ASXL3: variants seen among roughly 807,000 people sequenced by gnomAD.
ASXL3 encodes the protein ASXL transcriptional regulator 3.
Under a neutral mutation model 170.6 loss-of-function variants are expected in ASXL3, and 34 were observed. The ratio of observed to expected loss-of-function variants is 0.20; its 90% CI spans 0.15 to 0.27. ASXL3 has a LOEUF of 0.27. Ranked by LOEUF, ASXL3 falls within the 10% of genes least tolerant of loss-of-function variation. The pLI is 1.00. For missense variants in ASXL3, 2,592 were observed against 2,695.3 expected, an observed-to-expected ratio of 0.96 and a Z score of 0.85; for synonymous variants, 1,002 against 989.1, an observed-to-expected ratio of 1.01 and a Z score of -0.24.
chr18:33,696,953 C>T (rs1015091689), intron 8 of ASXL3, among the ~76,000 whole-genome samples: 4 of 152,130 alleles, frequency 2.6e-5, no homozygotes, highest in African/African-American at 4.8e-5. Flanking sequence ...TAAACATAAA[C>T]ATGTACTTTT....
At chr18:33,587,749 G>T (rs79466196) in intron 1 of ASXL3, among the ~76,000 whole-genome samples, 1 of 151,422 alleles carries the variant, frequency 6.6e-6, no homozygotes, top group Non-Finnish European at 1.5e-5. Context: ...AGCAGTATCC[G>T]CTGAATTTGT....
intron 7 of ASXL3, among the ~76,000 whole-genome samples, chr18:33,676,610 G>T (rs1481187830): frequency 1.3e-5 from 2 of 152,074 alleles, no homozygotes; most frequent in Admixed American, 6.5e-5. Flanking sequence ...TGTCTACAAG[G>T]ACTCCTTTAT....
intron 8 of ASXL3, chr18:33,690,278 C>A (rs192076398): frequency 6.6e-6 from 1 of 152,234 alleles, no homozygotes; most frequent in African/African-American, 2.4e-5. Context: ...AGCCATGGTT[C>A]CCATTAGTGG....
chr18:33,727,797 T>A (rs1040636730), intron 8 of ASXL3, among the ~76,000 whole-genome samples: 1 of 152,180 alleles, frequency 6.6e-6, no homozygotes, highest in African/African-American at 2.4e-5. Context: ...CCCATAAAAT[T>A]AATCGTGTAT....
chr18:33,655,577 A>G (rs2066070743), intron 4 of ASXL3, among the ~76,000 whole-genome samples: 1 of 152,042 alleles, frequency 6.6e-6, no homozygotes, highest in African/African-American at 2.4e-5. Context: ...ACCTATACCT[A>G]TCTTGAAACA....
chr18:33,640,410 GT>G (rs1346502550), intron 2 of ASXL3, among the ~76,000 whole-genome samples: 1 of 151,892 alleles, frequency 6.6e-6, no homozygotes, highest in Non-Finnish European at 1.5e-5. Context: ...TTCTAGGGTG[GT>G]TTGTAATCAT....
intron 3 of ASXL3, among the ~76,000 whole-genome samples, chr18:33,645,839 T>C (rs2145200940): frequency 6.6e-6 from 1 of 152,148 alleles, no homozygotes; most frequent in South Asian, 2.1e-4. Flanking sequence ...ACTGTGTGTG[T>C]TTCAGAAAAT....
At chr18:33,625,705 G>A (rs912757862) in intron 2 of ASXL3, 1 of 152,076 alleles carries the variant, frequency 6.6e-6, no homozygotes, top group Admixed American at 6.6e-5. Flanking sequence ...TATATACCAA[G>A]TAGGTAGGGG....
Position 33,747,865 on chromosome 18 carries a change from G to A in ASXL3, c.*1270G>A, listed in dbSNP as rs2067821629. The A allele has an allele frequency of 6.6e-6, 1 of 152,164 alleles. No homozygotes were observed. The highest frequency in any genetic ancestry group is 1.5e-5 in the Non-Finnish European group (1 of 68,032). 9.4% of individuals were successfully genotyped at this position (152,164 alleles called of 1,614,324 possible). A position where few individuals can be genotyped will look rare whatever the true frequency, so the allele number is the denominator to read the frequency against. On this transcript the variant is annotated 3_prime_UTR_variant, in exon 12 of 12. Coordinates refer to ENST00000269197, the MANE Select transcript of ASXL3 (RefSeq NM_030632.3). The stretch of plus-strand genomic sequence containing the variant: ...CTGCATCTTAACAGTTATCTTCAGT[G>A]TGCATCCAGTAAAGTCTGCGTGTTG...
In ASXL3 at chr18:33,743,145, G is replaced by C; in HGVS notation, c.3297G>C (p.Leu1099=). The change falls in exon 12 of 12, where the codon CTG becomes CTC. Residue 1099 remains leucine, a synonymous_variant. Transcript: ENST00000269197. The part of the protein sequence containing the change: ...SPGEGGKTRT[L]AHIKEQTKAK... ...GAGAGGGTGGAAAGACGAGAACTCT[G>C]GCACACATCAAAGAGCAGACAAAGG... 1 of 1,613,896 alleles carries C rather than the reference G, an allele frequency of 6.2e-7. No individual in the cohort carries two copies. Among genetic ancestry groups the C allele is most frequent in the South Asian group, 1.1e-5 (1 of 91,074 alleles).
At chr18:33,680,923 T>A (rs1377921504) in intron 7 of ASXL3, among the ~76,000 whole-genome samples, 1 of 152,028 alleles carries the variant, frequency 6.6e-6, no homozygotes, top group Non-Finnish European at 1.5e-5. Flanking sequence ...AATGTGAAAA[T>A]CCAGTTACCT....
At chr18:33,670,304 A>G (rs573803574) in intron 5 of ASXL3, among the ~76,000 whole-genome samples, 1 of 152,358 alleles carries the variant, frequency 6.6e-6, no homozygotes, top group East Asian at 1.9e-4. Context: ...AAGTGCAGAC[A>G]CATATATTTT....
At chr18:33,740,586 C>T (rs1223636308) in intron 11 of ASXL3, 143 bp downstream of exon 11, 6 of 816,816 alleles carry the variant, frequency 7.3e-6, no homozygotes, top group Middle Eastern at 6.3e-4. Flanking sequence ...GTAAATGATC[C>T]TCTTTATGAC....
intron 1 of ASXL3, among the ~76,000 whole-genome samples, chr18:33,591,863 G>A (rs9945798): frequency 4.6e-4 from 69 of 151,472 alleles, no homozygotes; most frequent in African/African-American, 1.2e-3. Flanking sequence ...GGATGGTCTC[G>A]ATCTCCTGAC....
intron 2 of ASXL3, among the ~76,000 whole-genome samples, chr18:33,634,522 A>G (rs2065736514): frequency 6.6e-6 from 1 of 152,140 alleles, no homozygotes; most frequent in Non-Finnish European, 1.5e-5. Context: ...GTTATTTACA[A>G]TTTATTTTTC....
intron 8 of ASXL3, among the ~76,000 whole-genome samples, chr18:33,699,492 C>T (rs985278674): frequency 6.6e-5 from 10 of 151,944 alleles, no homozygotes; most frequent in African/African-American, 2.4e-4. Context: ...TTGAGTATTA[C>T]TCATGTATTG....
intron 8 of ASXL3, among the ~76,000 whole-genome samples, chr18:33,701,451 A>G (rs1272801802): frequency 6.6e-6 from 1 of 152,104 alleles, no homozygotes; most frequent in Non-Finnish European, 1.5e-5. Context: ...ACTTATTTAG[A>G]TCTTTAACTT....
intron 1 of ASXL3, among the ~76,000 whole-genome samples, chr18:33,583,300 G>C (rs1182382273): frequency 6.6e-6 from 1 of 152,162 alleles, no homozygotes; most frequent in Non-Finnish European, 1.5e-5. Flanking sequence ...TCACTCCAAA[G>C]GTACACAAGA....
chr18:33,587,119 T>C (rs1470843271), intron 1 of ASXL3, among the ~76,000 whole-genome samples: 1 of 152,196 alleles, frequency 6.6e-6, no homozygotes, highest in Admixed American at 6.5e-5. Flanking sequence ...TCATTCCTGT[T>C]TAAAACGTTT....
Sources: allele counts gnomAD v4.1 joint callset (sites outside exome capture counted in the v4.1 genomes callset), GRCh38; gene constraint gnomAD v4.1.1; transcripts MANE v1.5; gene names NCBI Gene and HGNC (gene_info 2026-07-23, HGNC 2026-07-21).